IFT140: variants seen among roughly 807,000 people sequenced by gnomAD.
The protein encoded by IFT140 is intraflagellar transport 140.
A neutral mutation model predicts 164.6 loss-of-function variants in IFT140; 133 were observed. That is an observed-to-expected ratio of 0.81 (90% confidence interval 0.70 to 0.93). The LOEUF (loss-of-function observed/expected upper bound fraction) is 0.93, where lower values mean the gene tolerates loss of function less well. IFT140 is among the 40% of genes least tolerant of loss of function. The pLI, the probability that IFT140 is intolerant of heterozygous loss-of-function variation, is 0.00. For missense variants in IFT140, 2,045 were observed against 1,972.3 expected (o/e 1.04, Z -0.70); for synonymous variants, 860 against 817.3 (o/e 1.05, Z -0.89).
At chr16:1,579,191 G>A (rs115663423) in intron 13 of IFT140, 3 of 152,140 alleles carry the variant, frequency 2.0e-5, no homozygotes, top group African/African-American at 7.2e-5. Flanking sequence ...AAAATCGTAA[G>A]GAAGGGAAAA....
chr16:1,536,676 T>G (rs565351854), intron 19 of IFT140, among the ~76,000 whole-genome samples: 2 of 152,176 alleles, frequency 1.3e-5, no homozygotes, highest in East Asian at 3.9e-4. Flanking sequence ...AGCCACCACA[T>G]CCCCCAAGGC....
chr16:1,544,648 T>C (rs1052686491), intron 19 of IFT140, among the ~76,000 whole-genome samples: 2 of 151,424 alleles, frequency 1.3e-5, no homozygotes, highest in African/African-American at 4.9e-5. Flanking sequence ...GCATTTCTTT[T>C]TCTTTTTTTT....
At chr16:1,511,670 G>C (rs1021482985) in intron 30 of IFT140, among the ~76,000 whole-genome samples, 7 of 152,070 alleles carry the variant, frequency 4.6e-5, no homozygotes, top group Non-Finnish European at 1.0e-4. Context: ...GTGGACCTGC[G>C]TTTAAGGAAG....
intron 7 of IFT140, among the ~76,000 whole-genome samples, chr16:1,588,252 G>T (rs1487562053): frequency 6.6e-6 from 1 of 152,146 alleles, no homozygotes. Flanking sequence ...TGGGCCGGCC[G>T]CAGTGGCTCA....
chr16:1,567,363 C>G (rs535539189), intron 15 of IFT140, among the ~76,000 whole-genome samples: 1 of 152,356 alleles, frequency 6.6e-6, no homozygotes, highest in African/African-American at 2.4e-5. Flanking sequence ...AGTGCAGACC[C>G]TCGATGAGGA....
chr16:1,564,686 G>A lies in IFT140; in HGVS notation c.1902-524C>T, dbSNP rs572543887. ...GGGGAAACACAATGATGTGCCGGCA[G>A]ACGACACACAAGGTTTCAAGAGAGA... On this transcript the variant is annotated intron_variant, in intron 16 of 30. Transcript: ENST00000426508. This position sits in a 1 kb window ranked among gnomAD's most constrained non-coding sequence, Gnocchi z 5.5. 3.9e-5 allele frequency among the ~76,000 whole-genome samples: 6 copies of A among 152,320 alleles called. No homozygotes were observed. The highest frequency in any genetic ancestry group is 8.8e-5 in the Non-Finnish European group (6 of 68,036).
Position 1,583,285 on chromosome 16 carries a change from G to A in IFT140, c.1432+29C>T. On this transcript the variant is annotated intron_variant, in intron 12 of 30. Coordinates refer to ENST00000426508, the MANE Select transcript of IFT140 (RefSeq NM_014714.4). ...GAGGAAATAAAGCCAGGTAGTGGGA[G>A]TGCCTCTGTCCGGGTGAAAAGAACC... 1.9e-6 allele frequency: 3 copies of A among 1,599,948 alleles called. No individual in the cohort carries two copies. In the South Asian group the frequency reaches 3.3e-5, roughly 18 times the overall value.
At position 1,563,993 on chromosome 16, in the gene IFT140, G is replaced by C. The variant is rs111785408; in HGVS notation, c.2067+4C>G. On this transcript the variant is annotated splice_donor_region_variant and intron_variant, in intron 17 of 30. Coordinates refer to ENST00000426508, the MANE Select transcript of IFT140 (RefSeq NM_014714.4). The stretch of plus-strand genomic sequence containing the variant: ...TAAACTCAAATACAACAGGCAGAGC[G>C]TACCGCAGGGCCAGCGCGCCCATCT... 2 of 1,568,100 alleles carry C rather than the reference G, an allele frequency of 1.3e-6. No individual in the cohort carries two copies. The highest frequency in any genetic ancestry group is 1.7e-6 in the Non-Finnish European group (2 of 1,148,642).
chr16:1,610,468 G>A (rs1172376418), intron 2 of IFT140, 196 bp downstream of exon 2: 1 of 154,280 alleles, frequency 6.5e-6, no homozygotes, highest in African/African-American at 2.4e-5. Context: ...ATAGTCCGAC[G>A]AGCGACCTGG....
chr16:1,604,316 T>TGTGG (rs1273123812), intron 3 of IFT140: 5 of 127,004 alleles, frequency 3.9e-5, no homozygotes, highest in Non-Finnish European at 8.0e-5. Flanking sequence ...TGTGTGTGTG[T>TGTGG]GGAGGGGGGA....
At chr16:1,560,433 C>T (rs565144141) in intron 18 of IFT140, among the ~76,000 whole-genome samples, 2 of 152,330 alleles carry the variant, frequency 1.3e-5, no homozygotes, top group Admixed American at 6.5e-5. Flanking sequence ...CAGCAGAGCC[C>T]GAGGACCAGA....
At chr16:1,544,094 T>C (rs942379941) in intron 19 of IFT140, among the ~76,000 whole-genome samples, 6 of 151,512 alleles carry the variant, frequency 4.0e-5, no homozygotes, top group Non-Finnish European at 8.8e-5. Flanking sequence ...CTCGGCTCAC[T>C]GCAACCTCTG....
intron 29 of IFT140, among the ~76,000 whole-genome samples, chr16:1,519,425 A>C (rs1375446034): frequency 6.6e-6 from 1 of 152,064 alleles, no homozygotes; most frequent in Non-Finnish European, 1.5e-5. Flanking sequence ...GAAAACCGAG[A>C]CCATCGGCTG....
chr16:1,596,188 A>T (rs1481867849), intron 4 of IFT140, among the ~76,000 whole-genome samples: 1 of 143,886 alleles, frequency 6.9e-6, no homozygotes, highest in African/African-American at 2.5e-5. Context: ...ATGAAAATGA[A>T]TGACCCCCCC....
rs201338414 is a variant in IFT140, at chr16:1,592,481, G to A, written c.477C>T (p.Leu159=). ...CCCACACTTACTCGCCAGGAGGGGG[G>A]AGCCGGAAGATGCAGTGCGTGAGGT... ...GKHLTHCIFR[L]PPPGEDLVQL... The change falls in exon 5 of 31, where the codon CTC becomes CTT. Residue 159 remains leucine, a synonymous_variant. Coordinates refer to ENST00000426508, the MANE Select transcript of IFT140 (RefSeq NM_014714.4). The A allele has an allele frequency of 6.2e-7, 1 of 1,614,220 alleles. No homozygotes were observed. Among genetic ancestry groups the A allele is most frequent in the Non-Finnish European group, 8.5e-7 (1 of 1,180,038 alleles).
intron 19 of IFT140, among the ~76,000 whole-genome samples, chr16:1,546,583 G>C (rs1229303049): frequency 6.6e-6 from 1 of 152,160 alleles, no homozygotes; most frequent in Non-Finnish European, 1.5e-5. Context: ...CTTCAGGCCC[G>C]AGGCGCATCC....
chr16:1,563,896 G>A, intron 17 of IFT140, 101 bp downstream of exon 17: 1 of 1,277,612 alleles, frequency 7.8e-7, no homozygotes, highest in Non-Finnish European at 1.0e-6. Context: ...CACAGTGCCG[G>A]GATCACAGGC....
chr16:1,551,320 G>A lies in IFT140; in HGVS notation c.2399+6615C>T, dbSNP rs776316091. On this transcript the variant is annotated intron_variant, in intron 19 of 30. Coordinates refer to ENST00000426508, the MANE Select transcript of IFT140 (RefSeq NM_014714.4). The surrounding 1 kb of genome is among the most constrained non-coding windows in gnomAD (Gnocchi z 4.0). ...CAGGTGCAACTCTAAGCCGAGGCCC[G>A]AAGGATCAGCAGCAGGAGGGGCCCC... Among the ~76,000 whole-genome samples, 32 of 152,192 alleles carry A rather than the reference G, an allele frequency of 2.1e-4. No homozygotes were observed. Among genetic ancestry groups the A allele is most frequent in the Non-Finnish European group, 2.9e-4 (20 of 68,002 alleles).
chr16:1,600,777 T>C (rs868363200), intron 4 of IFT140, among the ~76,000 whole-genome samples: 1 of 152,038 alleles, frequency 6.6e-6, no homozygotes, highest in African/African-American at 2.4e-5. Context: ...CTACGTGATA[T>C]TTCTGCCAAA....
Sources: allele counts gnomAD v4.1 joint callset (sites outside exome capture counted in the v4.1 genomes callset), GRCh38; gene constraint gnomAD v4.1.1; non-coding constraint Gnocchi (gnomAD v3.1); transcripts MANE v1.5; gene names NCBI Gene and HGNC (gene_info 2026-07-23, HGNC 2026-07-21).